Variants in RBM20 observed in about 807,000 individuals in gnomAD.
RBM20 encodes RNA-binding protein 20.
In RBM20, 51 loss-of-function variants were observed where a neutral mutation model predicts 110.1. The observed-to-expected ratio is 0.46, with a 90% confidence interval of 0.37 to 0.59. RBM20 has a LOEUF of 0.59. RBM20 is among the 20% of genes least tolerant of loss of function. The pLI is 0.00. For missense variants in RBM20, 1,512 were observed against 1,574.9 expected (o/e 0.96, Z 0.68); for synonymous variants, 589 against 618.2 (o/e 0.95, Z 0.70).
intron 1 of RBM20, among the ~76,000 whole-genome samples, chr10:110,656,422 G>A (rs1428052049): frequency 6.6e-6 from 1 of 152,004 alleles, no homozygotes; most frequent in Non-Finnish European, 1.5e-5. Flanking sequence ...TTCTTTGTTT[G>A]CGTTTCCTAG....
At chr10:110,729,390 T>C (rs1843596599) in intron 1 of RBM20, among the ~76,000 whole-genome samples, 1 of 152,200 alleles carries the variant, frequency 6.6e-6, no homozygotes, top group African/African-American at 2.4e-5. Flanking sequence ...TAGTAAACCT[T>C]GCACTTTTTT....
At chr10:110,789,662 C>T (rs1040835621) in intron 5 of RBM20, among the ~76,000 whole-genome samples, 1 of 151,926 alleles carries the variant, frequency 6.6e-6, no homozygotes, top group Non-Finnish European at 1.5e-5. Context: ...TGCCCAGGCT[C>T]GCGTGTTTAT....
intron 1 of RBM20, among the ~76,000 whole-genome samples, chr10:110,741,703 ACCTGAGGGCTGCCCC>A (rs1263966564): frequency 1.3e-5 from 2 of 152,096 alleles, no homozygotes; most frequent in Non-Finnish European, 2.9e-5. Flanking sequence ...GTAGCTATGT[ACCTGAGGGCTGCCCC>A]CTGCCCCCCA....
At chr10:110,707,397 A>G (rs1399161686) in intron 1 of RBM20, among the ~76,000 whole-genome samples, 2 of 152,246 alleles carry the variant, frequency 1.3e-5, no homozygotes, top group Admixed American at 6.5e-5. Context: ...CAAAAAGCAT[A>G]TAAGTTAATC....
intron 7 of RBM20, among the ~76,000 whole-genome samples, chr10:110,803,812 CAAAAAAAAAAAAA>C (rs58202648): frequency 2.1e-4 from 12 of 57,168 alleles, no homozygotes; most frequent in Non-Finnish European, 2.9e-4. Flanking sequence ...TTGGCTTAAG[CAAAAAAAAAAAAA>C]AAAAAAAAAA....
At chr10:110,711,329 CAAAAAAAAAAAAAAAA>C (rs1157753270) in intron 1 of RBM20, among the ~76,000 whole-genome samples, 1 of 28,404 alleles carries the variant, frequency 3.5e-5, no homozygotes, top group East Asian at 1.0e-3. Flanking sequence ...GACTCCATCT[CAAAAAAAAAAAAAAAA>C]AAAAAAAAAA....
chr10:110,700,318 A>G (rs972569152), intron 1 of RBM20, among the ~76,000 whole-genome samples: 1 of 152,182 alleles, frequency 6.6e-6, no homozygotes, highest in Non-Finnish European at 1.5e-5. Flanking sequence ...TCAGATTTAG[A>G]TAATAGGATA....
At chr10:110,758,014 CTTTTTTTTTTT>C (rs760246427) in intron 1 of RBM20, among the ~76,000 whole-genome samples, 1 of 79,910 alleles carries the variant, frequency 1.3e-5, no homozygotes, top group South Asian at 5.5e-4. Flanking sequence ...GATCCTTGTT[CTTTTTTTTTTT>C]TTTTTTTTTT....
chr10:110,709,711 C>A (rs1035025128), intron 1 of RBM20, among the ~76,000 whole-genome samples: 1 of 151,720 alleles, frequency 6.6e-6, no homozygotes, highest in African/African-American at 2.4e-5. Context: ...AGACTACAGG[C>A]GTGTGCCACC....
intron 1 of RBM20, among the ~76,000 whole-genome samples, chr10:110,731,266 A>C (rs117881464): frequency 6.6e-6 from 1 of 152,188 alleles, no homozygotes; most frequent in African/African-American, 2.4e-5. Context: ...AAATTCAAAC[A>C]AAAAACAAGG....
At chr10:110,710,861 G>A (rs911575331) in intron 1 of RBM20, among the ~76,000 whole-genome samples, 2 of 152,144 alleles carry the variant, frequency 1.3e-5, no homozygotes, top group African/African-American at 2.4e-5. Flanking sequence ...TTGTGGAGCC[G>A]GGCAGGTGAC....
intron 1 of RBM20, among the ~76,000 whole-genome samples, chr10:110,693,051 G>A (rs1862610500): frequency 6.7e-6 from 1 of 150,298 alleles, no homozygotes; most frequent in South Asian, 2.2e-4. Flanking sequence ...TTGTTAATGT[G>A]GTATATTACA....
At chr10:110,762,358 C>G (rs1416434610) in intron 1 of RBM20, among the ~76,000 whole-genome samples, 3 of 152,242 alleles carry the variant, frequency 2.0e-5, no homozygotes, top group Non-Finnish European at 2.9e-5. Flanking sequence ...GTACTCAATA[C>G]ATGCCTACGA....
At chr10:110,771,078 G>A (rs1369915943) in intron 1 of RBM20, among the ~76,000 whole-genome samples, 1 of 152,202 alleles carries the variant, frequency 6.6e-6, no homozygotes, top group Non-Finnish European at 1.5e-5. Flanking sequence ...CCAAGAAAAC[G>A]AAGGGAGAAC....
intron 1 of RBM20, among the ~76,000 whole-genome samples, chr10:110,668,177 CT>C (rs1461458824): frequency 6.6e-6 from 1 of 152,228 alleles, no homozygotes; most frequent in African/African-American, 2.4e-5. Flanking sequence ...TTAGATCCCC[CT>C]AACTCAATTA....
intron 1 of RBM20, among the ~76,000 whole-genome samples, chr10:110,656,104 C>A (rs1862023422): frequency 6.6e-6 from 1 of 152,038 alleles, no homozygotes; most frequent in African/African-American, 2.4e-5. Context: ...AGTTCGAGAC[C>A]AGCCTGGCCA....
chr10:110,657,786 C>A (rs899386615), intron 1 of RBM20, among the ~76,000 whole-genome samples: 2 of 152,186 alleles, frequency 1.3e-5, no homozygotes, highest in Non-Finnish European at 2.9e-5. Flanking sequence ...TATGAACATT[C>A]CTTTGCAAGT....
chr10:110,746,837 T>A (rs547927783), intron 1 of RBM20, among the ~76,000 whole-genome samples: 2 of 152,254 alleles, frequency 1.3e-5, no homozygotes, highest in African/African-American at 4.8e-5. Context: ...TGAAGAAAAA[T>A]ATCGTTTGTA....
intron 1 of RBM20, among the ~76,000 whole-genome samples, chr10:110,676,273 C>G (rs931933502): frequency 5.3e-5 from 8 of 152,242 alleles, no homozygotes; most frequent in African/African-American, 1.9e-4. Flanking sequence ...AGTGTCCTCG[C>G]TCTGCTGGTT....
Sources: gnomAD v4.1 joint callset for allele counts (sites outside exome capture counted in the v4.1 genomes callset) on GRCh38, gnomAD v4.1.1 for gene constraint, MANE v1.5 for transcripts, NCBI Gene and HGNC (gene_info 2026-07-23, HGNC 2026-07-21) for gene names.